The following SLC47A2 variants were observed in gnomAD, a reference collection of about 807,000 sequenced individuals.
The protein encoded by SLC47A2 is multidrug and toxin extrusion protein 2.
A neutral mutation model predicts 67.7 loss-of-function variants in SLC47A2; 52 were observed. That is an observed-to-expected ratio of 0.77 (90% confidence interval 0.61 to 0.97). The LOEUF (loss-of-function observed/expected upper bound fraction) is 0.97. Ranked by LOEUF, SLC47A2 falls within the 50% of genes least tolerant of loss-of-function variation. SLC47A2 has a pLI of 0.00. For missense variants in SLC47A2, 676 were observed against 712.3 expected (o/e 0.95, Z 0.58); for synonymous variants, 278 against 292.9 (o/e 0.95, Z 0.52).
At chr17:19,692,915 G>A (rs961726346) in intron 13 of SLC47A2, among the ~76,000 whole-genome samples, 14 of 152,030 alleles carry the variant, frequency 9.2e-5, no homozygotes, top group African/African-American at 2.7e-4. Context: ...GGTGGATCAC[G>A]AGGTCAGGAG....
chr17:19,691,958 A>G (rs963012231), intron 13 of SLC47A2, among the ~76,000 whole-genome samples: 3 of 152,202 alleles, frequency 2.0e-5, no homozygotes, highest in Non-Finnish European at 2.9e-5. Context: ...TGGCTGGCGC[A>G]GTGGCTCACG....
At chr17:19,704,715 G>T (rs746835828) in intron 10 of SLC47A2, 1 of 1,547,912 alleles carries the variant, frequency 6.5e-7, no homozygotes, top group Non-Finnish European at 8.7e-7. Flanking sequence ...TAGAGGGGAG[G>T]TGGGGGCTGT....
intron 13 of SLC47A2, among the ~76,000 whole-genome samples, chr17:19,701,641 T>C (rs1257036746): frequency 6.6e-6 from 1 of 152,218 alleles, no homozygotes; most frequent in Non-Finnish European, 1.5e-5. Flanking sequence ...ATTCTGCTTA[T>C]TAAGCAAGAG....
At chr17:19,680,971 T>C (rs1369499475) in intron 15 of SLC47A2, among the ~76,000 whole-genome samples, 2 of 152,140 alleles carry the variant, frequency 1.3e-5, no homozygotes, top group African/African-American at 4.8e-5. Flanking sequence ...CCCAGCACTT[T>C]GGGAGGCCAA....
intron 9 of SLC47A2, 127 bp from the exon 10 acceptor site, chr17:19,705,630 C>T (rs1250980191): frequency 1.4e-5 from 12 of 828,588 alleles, no homozygotes; most frequent in East Asian, 3.0e-5. Context: ...GACAGGGTCT[C>T]ACTCTGTCGC....
rs774663115 is a variant in SLC47A2 at position 19,715,125 on chromosome 17, G to A, written c.216C>T (p.Leu72=). Residue 72 remains leucine (L), a synonymous_variant, in exon 2 of 17, where the codon CTC becomes CTT. Coordinates refer to ENST00000433844, the MANE Select transcript of SLC47A2 (RefSeq NM_001099646.3). The part of the protein sequence containing the change: ...LGKVELASVT[L]AVAFVNVCGV... The stretch of plus-strand genomic sequence containing the variant: ...CAAGCTGGGTACTCACGGCCACCGC[G>A]AGGGTCACCGATGCCAGCTCCACCT... The A allele has an allele frequency of 2.0e-5, 33 of 1,611,896 alleles. No homozygotes were observed. The highest frequency in any genetic ancestry group is 1.6e-4 in the South Asian group (15 of 91,092).
intron 13 of SLC47A2, chr17:19,702,059 T>C (rs755886090): frequency 6.8e-5 from 61 of 897,262 alleles, no homozygotes; most frequent in Non-Finnish European, 7.6e-5. Context: ...CAGTGAGCCA[T>C]GATCGCACTG....
At chr17:19,717,093 C>T (rs866911622), upstream of SLC47A2, 46 of 155,640 alleles carry the variant, frequency 3.0e-4, no homozygotes, top group African/African-American at 1.0e-3. Context: ...GAGACAGGGG[C>T]CTGGCAAACC....
chr17:19,708,862 G>A (rs560561719), intron 5 of SLC47A2, 102 bp from the exon 6 acceptor site: 2 of 1,401,682 alleles, frequency 1.4e-6, no homozygotes, highest in Non-Finnish European at 2.0e-6. Flanking sequence ...CCCAGATTGG[G>A]GAAATTACTT....
intron 5 of SLC47A2, among the ~76,000 whole-genome samples, chr17:19,712,365 T>C (rs7212752): frequency 0.68 from 103,118 of 151,814 alleles, 35,407 homozygotes; most frequent in East Asian, 0.95. Context: ...CCAGCCTGGG[T>C]GACAGAGCAA....
In SLC47A2 at chr17:19,685,252, TGCCCGCCC is replaced by T. The variant is rs1177551504; in HGVS notation, c.1165-3590_1165-3583del. Reference sequence around the variant, plus strand: ...CCCAAAGTGCTAAGATTACAGCCTCTGCCCGCCCGCCACCCCATCTAGGAAGTGAGCAG... The same window carrying T: ...CCCAAAGTGCTAAGATTACAGCCTCTGCCACCCCATCTAGGAAGTGAGCAG... On this transcript the variant is annotated intron_variant, in intron 13 of 16. Transcript: ENST00000433844. This position sits in a 1 kb window ranked among gnomAD's most constrained non-coding sequence, Gnocchi z 4.5. Among the ~76,000 whole-genome samples, 2 of 152,056 alleles carry T rather than the reference TGCCCGCCC, an allele frequency of 1.3e-5. No individual in the cohort carries two copies.
At chr17:19,686,098 C>G (rs906325356) in intron 13 of SLC47A2, among the ~76,000 whole-genome samples, 1 of 152,036 alleles carries the variant, frequency 6.6e-6, no homozygotes, top group Non-Finnish European at 1.5e-5. Flanking sequence ...CCTGTCTTTA[C>G]TAATAATACA....
At chr17:19,694,689 G>T (rs543779934) in intron 13 of SLC47A2, among the ~76,000 whole-genome samples, 2 of 152,120 alleles carry the variant, frequency 1.3e-5, no homozygotes, top group Non-Finnish European at 2.9e-5. Context: ...AGGCCAAGGC[G>T]GGTGGATCAC....
intron 10 of SLC47A2, chr17:19,704,829 T>A: frequency 1.5e-6 from 1 of 654,812 alleles, no homozygotes; most frequent in Admixed American, 3.2e-5. Context: ...GTGCTTTTTT[T>A]TTTTTTTTTT....
In SLC47A2 at chr17:19,685,476, A is replaced by C. The variant is rs1025466056; in HGVS notation, c.1165-3806T>G. On this transcript the variant is annotated intron_variant, in intron 13 of 16. Coordinates refer to ENST00000433844, the MANE Select transcript of SLC47A2 (RefSeq NM_001099646.3). This position sits in a 1 kb window ranked among gnomAD's most constrained non-coding sequence, Gnocchi z 4.5. ...TGGCCGCCCCGTCTGGGAAGTGAGG[A>C]GTGCCTCTGCCCAGTCGCCCCATCT... Among the ~76,000 whole-genome samples the C allele has an allele frequency of 6.6e-6, 1 of 151,870 alleles. No homozygotes were observed. The highest frequency in any genetic ancestry group is 2.4e-5 in the African/African-American group (1 of 41,298).
intron 13 of SLC47A2, among the ~76,000 whole-genome samples, chr17:19,691,390 G>A (rs977550276): frequency 1.3e-5 from 2 of 152,184 alleles, no homozygotes; most frequent in African/African-American, 4.8e-5. Flanking sequence ...AATGTGGCAC[G>A]TATATACAAT....
chr17:19,711,888 A>G (rs2086111263), intron 5 of SLC47A2, among the ~76,000 whole-genome samples: 1 of 152,174 alleles, frequency 6.6e-6, no homozygotes, highest in African/African-American at 2.4e-5. Flanking sequence ...CGTATTATAA[A>G]TAGAGATTGG....
Position 19,715,706 on chromosome 17 carries a change from GT to G in SLC47A2, c.124-490del, listed in dbSNP as rs68064267. The G allele has an allele frequency of 5.0e-3, 599 of 118,662 alleles. 2 individuals carry two copies. Among genetic ancestry groups the G allele is most frequent in the Middle Eastern group, 9.0e-3 (2 of 222 alleles). The allele number at this position is 118,662 out of a possible 1,614,324, so 7.4% of individuals were successfully genotyped here. On this transcript the variant is annotated intron_variant, in intron 1 of 16. Transcript: ENST00000433844. ...ACTCCTTTTTGGTTTTGTTTTTTTTGTTTTTTTTTTTTTTTTTGAGACGGAG... is the reference window on the plus strand; with the variant it reads ...ACTCCTTTTTGGTTTTGTTTTTTTTGTTTTTTTTTTTTTTTTGAGACGGAG...
chr17:19,712,730 A>G lies in SLC47A2; in HGVS notation c.459T>C (p.Tyr153=), dbSNP rs2086134871. The change falls in exon 5 of 17, where the codon TAT becomes TAC. Residue 153 remains tyrosine, a synonymous_variant. Coordinates refer to ENST00000433844, the MANE Select transcript of SLC47A2 (RefSeq NM_001099646.3). ...GAAGTCCTGGAATGAAAATCATTAC[A>G]TAGTCCTGGGTCAACCTGCAAGAGA... is the stretch of plus-strand genomic sequence containing the variant. The part of the protein sequence containing the change: ...DPDVSRLTQD[Y]VMIFIPGLPV... The G allele has an allele frequency of 1.2e-6, 2 of 1,613,384 alleles. No individual in the cohort carries two copies. The highest frequency in any genetic ancestry group is 1.1e-5 in the South Asian group (1 of 90,700).
Sources: allele counts gnomAD v4.1 joint callset (sites outside exome capture counted in the v4.1 genomes callset), GRCh38; gene constraint gnomAD v4.1.1; non-coding constraint Gnocchi (gnomAD v3.1); transcripts MANE v1.5; gene names NCBI Gene and HGNC (gene_info 2026-07-23, HGNC 2026-07-21).